Variants in GPI observed in about 807,000 individuals in gnomAD.
The protein encoded by GPI is glucose-6-phosphate isomerase.
In GPI, 56 loss-of-function variants were observed where a neutral mutation model predicts 75.8. The observed-to-expected ratio is 0.74, with a 90% confidence interval of 0.60 to 0.92. GPI has a LOEUF of 0.92. Ranked by LOEUF, GPI falls within the 40% of genes least tolerant of loss-of-function variation. The pLI, the probability that GPI is intolerant of heterozygous loss-of-function variation, is 0.00. For missense variants in GPI, 638 were observed against 741.0 expected, an observed-to-expected ratio of 0.86 and a Z score of 1.61; for synonymous variants, 288 against 285.4, an observed-to-expected ratio of 1.01 and a Z score of -0.09.
intron 9 of GPI, chr19:34,392,105 ACT>A (rs1162936486): frequency 0.025 from 14 of 550 alleles, no homozygotes; most frequent in South Asian, 0.071. Flanking sequence ...AGGATCTGGC[ACT>A]GGTAAGAGGA....
intron 9 of GPI, chr19:34,392,365 A>G (rs1157302921): frequency 2.5e-5 from 1 of 40,736 alleles, no homozygotes; most frequent in Non-Finnish European, 5.3e-5. Context: ...TGATACAGGT[A>G]TTAGGATCTG....
chr19:34,399,765 C>G lies in GPI; in HGVS notation c.1521C>G (p.Ile507Met). ...TCGTTCAGGGCATCATCTGGGACAT[C>G]AACAGCTTTGACCAGTGGGGGTGAG... ...KIFVQGIIWD[I>M]NSFDQWGVEL... The change falls in exon 17 of 18, where the codon ATC (isoleucine) becomes ATG (methionine). Residue 507 changes from isoleucine (I) to methionine (M), a missense_variant. Coordinates refer to ENST00000356487, the MANE Select transcript of GPI (RefSeq NM_000175.5). The G allele has an allele frequency of 6.2e-7, 1 of 1,614,056 alleles. No homozygotes were observed. The highest frequency in any genetic ancestry group is 8.5e-7 in the Non-Finnish European group (1 of 1,179,998).
intron 4 of GPI, 81 bp downstream of exon 4, chr19:34,368,783 T>G: frequency 3.3e-6 from 5 of 1,507,890 alleles, no homozygotes; most frequent in Non-Finnish European, 4.6e-6. Context: ...GGGGCAGCTC[T>G]TCCCTCTTCT....
chr19:34,398,695 G>A (rs1264849884), intron 14 of GPI: 1 of 153,314 alleles, frequency 6.5e-6, no homozygotes, highest in African/African-American at 2.4e-5. Flanking sequence ...AGGACCCCTA[G>A]CAAGTGGTGT....
chr19:34,397,877 G>C (rs967936544), intron 14 of GPI: 1 of 149,388 alleles, frequency 6.7e-6, no homozygotes, highest in Non-Finnish European at 1.5e-5. Flanking sequence ...CTCCCCTTTT[G>C]TTTATTTTAT....
At chr19:34,373,201 A>C (rs1370321875) in intron 4 of GPI, among the ~76,000 whole-genome samples, 2 of 151,892 alleles carry the variant, frequency 1.3e-5, no homozygotes, top group African/African-American at 2.4e-5. Context: ...AGCCTGGCCT[A>C]CATGGCAAAA....
rs540350232 is a variant in GPI at position 34,400,383 on chromosome 19, A to T, written c.*347A>T. The T allele has an allele frequency of 9.4e-5, 56 of 597,064 alleles. No homozygotes were observed. The highest frequency in any genetic ancestry group is 9.1e-4 in the African/African-American group (49 of 53,910). The allele number at this position is 597,064 out of a possible 1,614,324, so 37.0% of individuals were successfully genotyped here. On this transcript the variant is annotated 3_prime_UTR_variant, in exon 18 of 18. Transcript: ENST00000356487. ...TTCCTGTGATGGTGCTTTATGTAGC[A>T]GAGGGCAGGAGCGCTCAGCAGGACG...
intron 13 of GPI, 57 bp downstream of exon 13, chr19:34,396,487 A>G: frequency 6.2e-7 from 1 of 1,612,854 alleles, no homozygotes; most frequent in Admixed American, 1.7e-5. Context: ...ATCTTCCAGA[A>G]GAGATATCTC....
upstream of GPI, among the ~76,000 whole-genome samples, chr19:34,360,567 C>A (rs1219601905): frequency 1.3e-5 from 2 of 152,134 alleles, no homozygotes; most frequent in Admixed American, 6.5e-5. Context: ...CACCGCACTC[C>A]AGCCTGGGTG....
At chr19:34,384,970 G>A (rs1257069621) in intron 9 of GPI, among the ~76,000 whole-genome samples, 1 of 151,348 alleles carries the variant, frequency 6.6e-6, no homozygotes, top group Non-Finnish European at 1.5e-5. Flanking sequence ...TTGAACTGGG[G>A]AGGCAGAGTG....
In GPI at chr19:34,401,773, G is replaced by GCTTCCAA. The variant is rs1465430096; in HGVS notation, c.*1737_*1738insCTTCCAA. ...CTCACCTCAGCCTTCCAAGTAGCTG[G>GCTTCCAA]GTCCGCAGATGCATGCCAGTACACC... On this transcript the variant is annotated 3_prime_UTR_variant, in exon 18 of 18. Coordinates refer to ENST00000356487, the MANE Select transcript of GPI (RefSeq NM_000175.5). 3 of 152,160 alleles carry GCTTCCAA rather than the reference G, an allele frequency of 2.0e-5. No homozygotes were observed. Among genetic ancestry groups the GCTTCCAA allele is most frequent in the African/African-American group, 7.2e-5 (3 of 41,426 alleles). 9.4% of individuals were successfully genotyped at this position (152,160 alleles called of 1,614,324 possible). A position where few individuals can be genotyped will look rare whatever the true frequency, so the allele number is the denominator to read the frequency against.
At chr19:34,360,201 A>G (rs2074293982), upstream of GPI, among the ~76,000 whole-genome samples, 1 of 152,066 alleles carries the variant, frequency 6.6e-6, no homozygotes, top group Non-Finnish European at 1.5e-5. Flanking sequence ...ACTACCCCCC[A>G]GGATCCTGGG....
chr19:34,382,049 G>A (rs918795181), intron 9 of GPI, among the ~76,000 whole-genome samples: 66 of 152,138 alleles, frequency 4.3e-4, no homozygotes, highest in African/African-American at 1.5e-3. Context: ...GCAACAGGTG[G>A]TCCATGGGAC....
chr19:34,393,022 G>A lies in GPI; in HGVS notation c.805-226G>A. ...GGCCCGACATCTCAGGGAAGACCACGGTAAGCTCTTCAGTTTGTCTTGTGG... is the reference window on the plus strand; with the variant it reads ...GGCCCGACATCTCAGGGAAGACCACAGTAAGCTCTTCAGTTTGTCTTGTGG... On this transcript the variant is annotated intron_variant, in intron 9 of 17. Coordinates refer to ENST00000356487, the MANE Select transcript of GPI (RefSeq NM_000175.5). This position sits in a 1 kb window ranked among gnomAD's most constrained non-coding sequence, Gnocchi z 4.4. 1 of 598,580 alleles carries A rather than the reference G, an allele frequency of 1.7e-6. No individual in the cohort carries two copies. Among genetic ancestry groups the A allele is most frequent in the Non-Finnish European group, 3.0e-6 (1 of 328,284 alleles). 37.1% of individuals were successfully genotyped at this position (598,580 alleles called of 1,614,324 possible). A position where few individuals can be genotyped will look rare whatever the true frequency, so the allele number is the denominator to read the frequency against.
intron 12 of GPI, among the ~76,000 whole-genome samples, chr19:34,394,601 G>A (rs1158546558): frequency 6.7e-6 from 1 of 148,820 alleles, no homozygotes; most frequent in Non-Finnish European, 1.5e-5. Flanking sequence ...AGTCTGTGGT[G>A]GCCTCTTTGG....
At position 34,381,502 on chromosome 19, in the gene GPI, A is replaced by G. The variant is rs756493844; in HGVS notation, c.787A>G (p.Met263Val). Residue 263 changes from methionine to valine, a missense_variant, in exon 9 of 18, where the codon ATG becomes GTG. Met to Val is a conservative substitution (Grantham distance 21). Coordinates refer to ENST00000356487, the MANE Select transcript of GPI (RefSeq NM_000175.5). The stretch of plus-strand genomic sequence containing the variant: ...GGAGTTTGGAATTGACCCTCAAAAC[A>G]TGTTCGAGTTCTGGGATGTAAGTAC... ...VKEFGIDPQN[M>V]FEFWDWVGGR... 1.4e-5 allele frequency: 22 copies of G among 1,608,212 alleles called. No homozygotes were observed. Among genetic ancestry groups the G allele is most frequent in the Non-Finnish European group, 1.7e-6 (2 of 1,175,064 alleles).
Position 34,378,915 on chromosome 19 carries a change from C to A in GPI, c.634-19C>A. ...CACCCCTAAGCTCGGGCGCCCACTG[C>A]TGTTCTCTTTGGTTGCAGACCTTTA... On this transcript the variant is annotated intron_variant, in intron 6 of 17. Transcript: ENST00000356487. 6.2e-7 allele frequency: 1 copy of A among 1,610,078 alleles called. No individual in the cohort carries two copies.
Position 34,368,603 on chromosome 19 carries a change from G to A in GPI, c.303G>A (p.Val101=), listed in dbSNP as rs113885798. The change falls in exon 4 of 18, where the codon GTG becomes GTA. Residue 101 remains valine, a synonymous_variant. Transcript: ENST00000356487. ...CCCAGGGTCGAGCCGTGCTGCACGTGGCTCTGCGGAACCGGTCAAACACAC... is the reference window on the plus strand; with the variant it reads ...CCCAGGGTCGAGCCGTGCTGCACGTAGCTCTGCGGAACCGGTCAAACACAC... ...NYTEGRAVLH[V]ALRNRSNTPI... 8.1e-6 allele frequency: 13 copies of A among 1,614,172 alleles called. No homozygotes were observed. The highest frequency in any genetic ancestry group is 8.0e-5 in the African/African-American group (6 of 75,030).
At chr19:34,375,530 G>T (rs541119464) in intron 4 of GPI, among the ~76,000 whole-genome samples, 2 of 152,140 alleles carry the variant, frequency 1.3e-5, no homozygotes, top group Non-Finnish European at 2.9e-5. Flanking sequence ...TTGGTTTGGG[G>T]ATCTCTCATA....
Sources: allele counts gnomAD v4.1 joint callset (sites outside exome capture counted in the v4.1 genomes callset), GRCh38; gene constraint gnomAD v4.1.1; non-coding constraint Gnocchi (gnomAD v3.1); transcripts MANE v1.5; gene names NCBI Gene and HGNC (gene_info 2026-07-23, HGNC 2026-07-21).